Variants in RBFOX3 observed in about 807,000 individuals in gnomAD.
RBFOX3 encodes the protein RNA binding protein fox-1 homolog 3.
In RBFOX3, 17 loss-of-function variants were observed where a neutral mutation model predicts 48.7. The observed-to-expected ratio is 0.35, with a 90% CI of 0.24 to 0.52. The LOEUF (loss-of-function observed/expected upper bound fraction) is 0.52, where lower values mean the gene tolerates loss of function less well. RBFOX3 is among the 20% of genes least tolerant of loss of function. The probability of loss-of-function intolerance (pLI) is 0.94; values close to 1 mark genes in which losing one functional copy is unlikely to be tolerated. For missense variants in RBFOX3, 382 were observed against 497.5 expected (o/e 0.77, Z 2.21); for synonymous variants, 212 against 209.5 (o/e 1.01, Z -0.10).
intron 1 of RBFOX3, among the ~76,000 whole-genome samples, chr17:79,541,516 G>A (rs570161445): frequency 7.9e-5 from 12 of 152,306 alleles, no homozygotes; most frequent in African/African-American, 2.2e-4. Flanking sequence ...CTGTCCCTCC[G>A]GAGGAAGCAG....
chr17:79,637,868 A>G, the RBFOX3 span, among the ~76,000 whole-genome samples: 1 of 152,192 alleles, frequency 6.6e-6, no homozygotes, highest in African/African-American at 2.4e-5. Context: ...AACAAATTCA[A>G]GATGATCTAA....
chr17:79,429,896 C>G (rs1598654188), intron 2 of RBFOX3, among the ~76,000 whole-genome samples: 1 of 152,138 alleles, frequency 6.6e-6, no homozygotes, highest in Non-Finnish European at 1.5e-5. Context: ...CAACTTGGGG[C>G]CTGTGCTTGA....
chr17:79,454,950 G>A (rs2074221085), intron 2 of RBFOX3, among the ~76,000 whole-genome samples: 1 of 152,220 alleles, frequency 6.6e-6, no homozygotes, highest in South Asian at 2.1e-4. Flanking sequence ...CTCAGACTGG[G>A]CTGCTACAGA....
intron 4 of RBFOX3, among the ~76,000 whole-genome samples, chr17:79,191,585 G>A (rs1415452574): frequency 1.3e-5 from 2 of 152,230 alleles, no homozygotes; most frequent in East Asian, 1.9e-4. Flanking sequence ...GCACTGCTAG[G>A]CAGCCAGTGC....
the RBFOX3 span, among the ~76,000 whole-genome samples, chr17:79,662,549 C>T: frequency 6.6e-6 from 1 of 152,252 alleles, no homozygotes; most frequent in Non-Finnish European, 1.5e-5. Flanking sequence ...GTCATATACA[C>T]CCTCTTGTGC....
In RBFOX3 at chr17:79,476,305, A is replaced by G. The variant is rs1166500756; in HGVS notation, c.-175+6149T>C. ...CCACAGCGCCCTCTGCGACCCGCCC[A>G]GTCTCCTCCGCTGCTCACTCACAGA... On this transcript the variant is annotated intron_variant, in intron 2 of 14. Transcript: ENST00000693108. Among the ~76,000 whole-genome samples, 10 of 152,230 alleles carry G rather than the reference A, an allele frequency of 6.6e-5. 1 individual carries two copies. The highest frequency in any genetic ancestry group is 2.4e-4 in the African/African-American group (10 of 41,468).
Position 79,477,558 on chromosome 17 carries a change from GA to G in RBFOX3, c.-175+4895del, listed in dbSNP as rs113513832. Among the ~76,000 whole-genome samples, 30,133 of 146,976 alleles carry G rather than the reference GA, an allele frequency of 0.21. 3,926 individuals are homozygous for G. The highest frequency in any genetic ancestry group is 0.7 in the East Asian group (3,493 of 5,018). On this transcript the variant is annotated intron_variant, in intron 2 of 14. Coordinates refer to ENST00000693108, the MANE Select transcript of RBFOX3 (RefSeq NM_001350451.2). This position sits in a 1 kb window ranked among gnomAD's most constrained non-coding sequence, Gnocchi z 4.8. ...GCGACAGAGCGAAACTCCGTCACCG[GA>G]AAAAAAAAAAGAGGAGGAGGAGTAG...
chr17:79,375,025 C>A (rs2059045755), intron 2 of RBFOX3, among the ~76,000 whole-genome samples: 1 of 152,124 alleles, frequency 6.6e-6, no homozygotes. Flanking sequence ...GGGCACCACT[C>A]TCCTCACCTT....
chr17:79,284,364 T>C (rs1343076603), intron 3 of RBFOX3, among the ~76,000 whole-genome samples: 1 of 152,216 alleles, frequency 6.6e-6, no homozygotes, highest in Non-Finnish European at 1.5e-5. Context: ...TCTTCAATGT[T>C]TTGTTATTCC....
intron 1 of RBFOX3, among the ~76,000 whole-genome samples, chr17:79,505,192 C>T (rs2082916640): frequency 1.3e-5 from 2 of 152,238 alleles, no homozygotes; most frequent in South Asian, 4.2e-4. Context: ...CAGCTATTAG[C>T]ACCACCATCA....
At chr17:79,660,575 C>A in the RBFOX3 span, among the ~76,000 whole-genome samples, 1 of 152,174 alleles carries the variant, frequency 6.6e-6, no homozygotes, top group African/African-American at 2.4e-5. Context: ...TAGAGACATG[C>A]AAATCAAAAC....
chr17:79,554,501 G>A (rs938743332), intron 1 of RBFOX3, among the ~76,000 whole-genome samples: 9 of 151,288 alleles, frequency 5.9e-5, no homozygotes, highest in African/African-American at 2.0e-4. Context: ...AGTCACCCCC[G>A]ACCTGGCCCT....
chr17:79,358,550 TC>T (rs776516589), intron 2 of RBFOX3, among the ~76,000 whole-genome samples: 1 of 152,098 alleles, frequency 6.6e-6, no homozygotes, highest in Non-Finnish European at 1.5e-5. Flanking sequence ...AACCTCTACC[TC>T]CCGGGTTCAA....
At chr17:79,483,008 A>G (rs1448835624) in intron 1 of RBFOX3, among the ~76,000 whole-genome samples, 1 of 149,910 alleles carries the variant, frequency 6.7e-6, no homozygotes, top group African/African-American at 2.5e-5. Context: ...AGGACCCACC[A>G]CTGTCCGCAC....
intron 3 of RBFOX3, among the ~76,000 whole-genome samples, chr17:79,257,737 C>T (rs372645844): frequency 6.6e-6 from 1 of 152,108 alleles, no homozygotes; most frequent in African/African-American, 2.4e-5. Flanking sequence ...CATGGCACCA[C>T]ACCTGGCTAA....
chr17:79,419,433 G>A (rs2065888914), intron 2 of RBFOX3, among the ~76,000 whole-genome samples: 1 of 152,202 alleles, frequency 6.6e-6, no homozygotes, highest in Admixed American at 6.5e-5. Context: ...GGTCAAACAG[G>A]AGCTTCGGAA....
At chr17:79,337,148 C>A in intron 2 of RBFOX3, among the ~76,000 whole-genome samples, 2 of 151,946 alleles carry the variant, frequency 1.3e-5, no homozygotes, top group African/African-American at 4.8e-5. Flanking sequence ...GCTCTTATTT[C>A]GATAGTCCTG....
intron 1 of RBFOX3, among the ~76,000 whole-genome samples, chr17:79,579,805 T>TG: frequency 1.2e-5 from 1 of 83,328 alleles, no homozygotes; most frequent in African/African-American, 5.0e-5. Flanking sequence ...GGCGCCATGG[T>TG]GGGGAGCCAC....
intron 2 of RBFOX3, among the ~76,000 whole-genome samples, chr17:79,413,096 G>C (rs889007504): frequency 2.0e-5 from 3 of 152,250 alleles, no homozygotes; most frequent in East Asian, 3.9e-4. Context: ...AAGCAGGGAG[G>C]GGGAAAGGGG....
Sources: allele counts gnomAD v4.1 joint callset (sites outside exome capture counted in the v4.1 genomes callset), GRCh38; gene constraint gnomAD v4.1.1; non-coding constraint Gnocchi (gnomAD v3.1); transcripts MANE v1.5; gene names NCBI Gene and HGNC (gene_info 2026-07-23, HGNC 2026-07-21).